ACIN1: variants seen among roughly 807,000 people sequenced by gnomAD.
ACIN1 encodes apoptotic chromatin condensation inducer 1, also known as apoptotic chromatin condensation inducer in the nucleus.
A neutral mutation model predicts 146.6 loss-of-function variants in ACIN1; 16 were observed. That is an observed-to-expected ratio of 0.11 (90% confidence interval 0.07 to 0.17). The LOEUF (loss-of-function observed/expected upper bound fraction) is 0.17. ACIN1 is among the 10% of genes least tolerant of loss of function. ACIN1 has a pLI of 1.00. For missense variants in ACIN1, 1,357 were observed against 1,609.3 expected (o/e 0.84, Z 2.68); for synonymous variants, 569 against 582.7 (o/e 0.98, Z 0.34).
chr14:23,069,354 A>G, intron 9 of ACIN1, 122 bp downstream of exon 9: 1 of 1,470,682 alleles, frequency 6.8e-7, no homozygotes, highest in Non-Finnish European at 9.0e-7. Flanking sequence ...TTCTGATCCA[A>G]GTCCCTGCCT....
At chr14:23,089,883 G>A in intron 4 of ACIN1, 99 bp downstream of exon 4, 2 of 1,352,894 alleles carry the variant, frequency 1.5e-6, no homozygotes, top group Non-Finnish European at 1.9e-6. Context: ...ATTTCCCTGG[G>A]ACTTTCATGG....
rs118045040 is a variant in ACIN1 at position 23,071,086 on chromosome 14, G to A, written c.2124-1469C>T. On this transcript the variant is annotated intron_variant, in intron 8 of 18. Coordinates refer to ENST00000605057, the MANE Select transcript of ACIN1 (RefSeq NM_001386863.1). ...GAAGGAAGACGAAGGGAGCTAGGGCGGCGGGGAAAAGGCATACATGGAAAT... is the reference window on the plus strand; with the variant it reads ...GAAGGAAGACGAAGGGAGCTAGGGCAGCGGGGAAAAGGCATACATGGAAAT... 2.5e-3 allele frequency: 3,885 copies of A among 1,535,686 alleles called. 18 individuals are homozygous for A. Among genetic ancestry groups the A allele is most frequent in the East Asian group, 0.017 (711 of 40,834 alleles).
chr14:23,086,461 CTTAGAAA>C (rs1206958095), intron 4 of ACIN1, among the ~76,000 whole-genome samples: 1 of 152,118 alleles, frequency 6.6e-6, no homozygotes, highest in African/African-American at 2.4e-5. Flanking sequence ...GTCCTAACAC[CTTAGAAA>C]TATCTGAAGA....
upstream of ACIN1, chr14:23,095,605 G>A (rs915753242): frequency 5.7e-6 from 2 of 352,224 alleles, no homozygotes; most frequent in Admixed American, 9.1e-5. Flanking sequence ...GGTGCCCTTC[G>A]AGAGAAAAGG....
chr14:23,079,674 C>T lies in ACIN1; in HGVS notation c.1661G>A (p.Arg554Lys), dbSNP rs2047892795. The T allele has an allele frequency of 6.2e-7, 1 of 1,614,058 alleles. No homozygotes were observed. The highest frequency in any genetic ancestry group is 1.3e-5 in the African/African-American group (1 of 74,912). ...RSHSPLRSKQRDVAQARTHAN... is the reference protein window; with the variant it reads ...RSHSPLRSKQKDVAQARTHAN... ...ATGAGTACGTGCCTGGGCTACATCT[C>T]TCTGCTTGGATCTGAGCGGTGAATG... The change falls in exon 6 of 19, where the codon AGA (arginine) becomes AAA (lysine). Residue 554 changes from arginine to lysine, a missense_variant. By Grantham distance (26) the Arg-to-Lys change is conservative. Around this residue, in one of 4 missense-constraint regions of ACIN1, gnomAD observed 771 missense variants for 746.6 expected, o/e 1.03. Transcript: ENST00000605057.
chr14:23,084,114 CTT>C (rs1566753859), intron 4 of ACIN1, among the ~76,000 whole-genome samples: 1 of 151,874 alleles, frequency 6.6e-6, no homozygotes, highest in Non-Finnish European at 1.5e-5. Flanking sequence ...GCCTGGTTAA[CTT>C]TTGTATTTTT....
rs1324774633 is a variant in ACIN1 at position 23,080,543 on chromosome 14, C to T, written c.792G>A (p.Glu264=). Residue 264 remains glutamate (E), a synonymous_variant, in exon 6 of 19, where the codon GAG becomes GAA. Coordinates refer to ENST00000605057, the MANE Select transcript of ACIN1 (RefSeq NM_001386863.1). ...GTTCCTGGGATCTTGTTTTGGGTCTCTCATCCATCATCTCCTCTGGTTTTA... is the reference window on the plus strand; with the variant it reads ...GTTCCTGGGATCTTGTTTTGGGTCTTTCATCCATCATCTCCTCTGGTTTTA... The part of the protein sequence containing the change: ...PRVKPEEMMD[E]RPKTRSQEQE... The T allele has an allele frequency of 5.6e-6, 9 of 1,613,968 alleles. No homozygotes were observed. The highest frequency in any genetic ancestry group is 1.7e-5 in the Admixed American group (1 of 59,990).
rs974878808 is a variant in ACIN1 at position 23,064,170 on chromosome 14, T to C, written c.2530A>G (p.Thr844Ala). Residue 844 changes from threonine to alanine, a missense_variant, in exon 12 of 19, where the codon ACA becomes GCA. Around this residue, in one of 4 missense-constraint regions of ACIN1, gnomAD observed 509 missense variants for 719.6 expected, o/e 0.71. Transcript: ENST00000605057. Reference protein sequence around the residue: ...ADDSRISEDETERNGDDGTHD... With the variant: ...ADDSRISEDEAERNGDDGTHD... ...GTCCCATCATCGCCATTACGCTCTGTCTCATCCTCAGAGATGCGAGAGTCA... is the reference window on the plus strand; with the variant it reads ...GTCCCATCATCGCCATTACGCTCTGCCTCATCCTCAGAGATGCGAGAGTCA... 2.5e-6 allele frequency: 4 copies of C among 1,614,118 alleles called. No homozygotes were observed. Among genetic ancestry groups the C allele is most frequent in the African/African-American group, 2.7e-5 (2 of 75,030 alleles).
chr14:23,080,678 C>T lies in ACIN1; in HGVS notation c.657G>A (p.Glu219=), dbSNP rs1167866602. ...LKTEEEEEEE[E]EEEEDDEEEE... Reference sequence around the variant, plus strand: ...CTTCTTCATCATCTTCTTCCTCCTCCTCCTCCTCCTCTTCTTCCTCCTCTG... The same window carrying T: ...CTTCTTCATCATCTTCTTCCTCCTCTTCCTCCTCCTCTTCTTCCTCCTCTG... Residue 219 remains glutamate, a synonymous_variant, in exon 6 of 19, where the codon GAG becomes GAA. Transcript: ENST00000605057. The T allele has an allele frequency of 3.1e-6, 5 of 1,613,874 alleles. No homozygotes were observed. The highest frequency in any genetic ancestry group is 3.3e-5 in the Admixed American group (2 of 60,010).
chr14:23,094,941 C>T, intron 1 of ACIN1, 34 bp downstream of exon 1: 3 of 1,556,130 alleles, frequency 1.9e-6, no homozygotes, highest in Non-Finnish European at 2.6e-6. Flanking sequence ...CGGGTCCGCT[C>T]TCCTCCGACA....
At chr14:23,069,652 G>GGGGGGGGGGGGCGCC in intron 8 of ACIN1, 35 bp from the exon 9 acceptor site, 1 of 577,972 alleles carries the variant, frequency 1.7e-6, no homozygotes, top group Non-Finnish European at 3.3e-6. Flanking sequence ...GGGGGGGCGG[G>GGGGGGGGGGGGCGCC]CAGAAAAGAA....
At chr14:23,079,435 A>G in intron 6 of ACIN1, 112 bp downstream of exon 6, 1 of 1,501,632 alleles carries the variant, frequency 6.7e-7, no homozygotes. Context: ...AGGAGAGTAA[A>G]GGAGGCTTTT....
intron 8 of ACIN1, 35 bp from the exon 9 acceptor site, chr14:23,069,652 G>GGGTGGGGGGGGGGGGGGGGGGGC: frequency 1.7e-6 from 1 of 577,968 alleles, no homozygotes; most frequent in Non-Finnish European, 3.3e-6. Context: ...GGGGGGGCGG[G>GGGTGGGGGGGGGGGGGGGGGGGC]CAGAAAAGAA....
intron 4 of ACIN1, among the ~76,000 whole-genome samples, chr14:23,082,552 C>T (rs1161020461): frequency 6.7e-6 from 1 of 148,520 alleles, no homozygotes; most frequent in African/African-American, 2.5e-5. Flanking sequence ...TCAAACCAGT[C>T]TCATGCCTCA....
intron 4 of ACIN1, among the ~76,000 whole-genome samples, chr14:23,085,314 G>C (rs987454608): frequency 2.0e-5 from 3 of 152,234 alleles, no homozygotes; most frequent in African/African-American, 7.2e-5. Flanking sequence ...CAGCCTGGGC[G>C]ACAGAGCGAG....
chr14:23,089,950 CA>C (rs750600860), intron 4 of ACIN1, 31 bp downstream of exon 4: 57 of 1,555,994 alleles, frequency 3.7e-5, no homozygotes, highest in Non-Finnish European at 4.9e-5. Flanking sequence ...GCAGGATTGA[CA>C]AAACAGCGCA....
intron 1 of ACIN1, 44 bp downstream of exon 1, chr14:23,094,931 C>T (rs1417476837): frequency 1.9e-6 from 3 of 1,540,062 alleles, no homozygotes; most frequent in Non-Finnish European, 2.6e-6. Flanking sequence ...TCGTCTCTAC[C>T]GGGTCCGCTC....
In ACIN1 at chr14:23,068,200, G is replaced by A; in HGVS notation, c.2265+1276C>T. The A allele has an allele frequency of 2.0e-6, 2 of 985,918 alleles. No homozygotes were observed. Among genetic ancestry groups the A allele is most frequent in the South Asian group, 9.4e-5 (2 of 21,284 alleles). 61.1% of individuals were successfully genotyped at this position (985,918 alleles called of 1,614,324 possible). ...CTAGTCGTCACAGCTTAAGTAGAGGGTCCCACTCAGTGTTTTACAGCATGG... is the reference window on the plus strand; with the variant it reads ...CTAGTCGTCACAGCTTAAGTAGAGGATCCCACTCAGTGTTTTACAGCATGG... On this transcript the variant is annotated intron_variant, in intron 9 of 18. Transcript: ENST00000605057. The surrounding 1 kb of genome is among the most constrained non-coding windows in gnomAD (Gnocchi z 4.3).
chr14:23,094,220 G>A (rs1176922456), intron 1 of ACIN1, among the ~76,000 whole-genome samples: 1 of 151,994 alleles, frequency 6.6e-6, no homozygotes, highest in Non-Finnish European at 1.5e-5. Flanking sequence ...TACCTGCCAC[G>A]TATCCTGTTG....
Sources: gnomAD v4.1 joint callset for allele counts (sites outside exome capture counted in the v4.1 genomes callset) on GRCh38, gnomAD v4.1.1 for gene constraint, gnomAD v4.1.1 regional missense constraint, Gnocchi (gnomAD v3.1) non-coding constraint, MANE v1.5 for transcripts, NCBI Gene and HGNC (gene_info 2026-07-23, HGNC 2026-07-21) for gene names.